The following CYFIP1 variants were observed in gnomAD, a reference collection of about 807,000 sequenced individuals.
CYFIP1 encodes cytoplasmic FMR1-interacting protein 1.
In CYFIP1, 58 loss-of-function variants were observed where a neutral mutation model predicts 163.5. That is an observed-to-expected ratio of 0.35 (90% CI 0.29 to 0.44). The LOEUF is 0.44. Among genes scored for constraint, CYFIP1 ranks in the 20% least tolerant of loss-of-function variants. The pLI, the probability that CYFIP1 is intolerant of heterozygous loss-of-function variation, is 1.00. For synonymous variants in CYFIP1, 663 were observed against 660.7 expected, an observed-to-expected ratio of 1.00 and a Z score of -0.05; for missense variants, 1,338 against 1,653.8, an observed-to-expected ratio of 0.81 and a Z score of 3.31.
At chr15:22,926,398 C>G (rs534522253) in intron 12 of CYFIP1, among the ~76,000 whole-genome samples, 2 of 152,298 alleles carry the variant, frequency 1.3e-5, no homozygotes, top group East Asian at 1.9e-4. Flanking sequence ...CTGGGCCAGG[C>G]ACAGTGGCTC....
intron 23 of CYFIP1, among the ~76,000 whole-genome samples, chr15:22,886,625 T>C (rs1028397770): frequency 6.6e-6 from 1 of 152,142 alleles, no homozygotes; most frequent in African/African-American, 2.4e-5. Flanking sequence ...CTGGTTTGAG[T>C]TCATTGTAGT....
rs536799168 is a variant in CYFIP1 at position 22,878,335 on chromosome 15, G to A, written c.3042+1578C>T. ...CAAGACAATGTGCTATGATGTCAGA[G>A]ACAGATGCCTGGACCAGCGAGATGT... On this transcript the variant is annotated intron_variant, in intron 26 of 30. Transcript: ENST00000617928. 7.9e-5 allele frequency among the ~76,000 whole-genome samples: 12 copies of A among 152,258 alleles called. No individual in the cohort carries two copies. The South Asian group carries it at 2.5e-3, about 32-fold the overall frequency.
chr15:22,973,481 C>T (rs1320987149), intron 1 of CYFIP1, among the ~76,000 whole-genome samples: 1 of 152,046 alleles, frequency 6.6e-6, no homozygotes, highest in Admixed American at 6.6e-5. Context: ...GACTTTCCCC[C>T]TTGTATCTAA....
At chr15:22,959,315 G>A (rs755396407) in intron 1 of CYFIP1, among the ~76,000 whole-genome samples, 13 of 152,228 alleles carry the variant, frequency 8.5e-5, no homozygotes, top group African/African-American at 1.4e-4. Context: ...AGAAGACAGC[G>A]TTTCCCGCTC....
chr15:22,935,067 A>G (rs944443127), intron 9 of CYFIP1, among the ~76,000 whole-genome samples: 4 of 152,194 alleles, frequency 2.6e-5, no homozygotes, highest in Middle Eastern at 3.2e-3. Flanking sequence ...CAGAAGAAAA[A>G]AAATGGTTTT....
chr15:22,941,874 C>T (rs989361288), intron 6 of CYFIP1, among the ~76,000 whole-genome samples: 9 of 152,178 alleles, frequency 5.9e-5, no homozygotes, highest in Admixed American at 5.9e-4. Flanking sequence ...AACCACCTCC[C>T]CCATTTCCCT....
Position 22,875,204 on chromosome 15 carries a change from A to T in CYFIP1, c.3110T>A (p.Val1037Glu). The T allele has an allele frequency of 6.2e-7, 1 of 1,614,046 alleles. No individual in the cohort carries two copies. The highest frequency in any genetic ancestry group is 8.5e-7 in the Non-Finnish European group (1 of 1,179,962). The change falls in exon 27 of 31, where the codon GTG (valine) becomes GAG (glutamate). Residue 1037 changes from valine (V) to glutamate (E), a missense_variant. Physicochemically the swap from Val to Glu is moderately radical, Grantham distance 121. Transcript: ENST00000617928. ...GTGGGGGTCAGCAGGCTCACCTTTC[A>T]CATGGACTCGCGGCAAGATGTTCTG... is the stretch of plus-strand genomic sequence containing the variant. ...PFQNILPRVH[V>E]KEGERLDAKM... is the part of the protein sequence containing the mutation.
In CYFIP1 at chr15:22,943,319, C is replaced by T. The variant is rs774228926; in HGVS notation, c.423G>A (p.Arg141=). The change falls in exon 6 of 31, where the codon AGG becomes AGA. Residue 141 remains arginine, a synonymous_variant. Transcript: ENST00000617928. ...TCCTCCTCTCGGCATGGCACAGGCG[C>T]CTCACTTCCCCGCAGAAACGCTCAA... is the stretch of plus-strand genomic sequence containing the variant. ...NAIERFCGEV[R]RLCHAERRKD... is the part of the protein sequence containing the mutation. The T allele has an allele frequency of 6.2e-7, 1 of 1,614,206 alleles. No individual in the cohort carries two copies.
intron 1 of CYFIP1, among the ~76,000 whole-genome samples, chr15:22,958,138 C>T (rs1172040304): frequency 2.6e-5 from 4 of 151,536 alleles, no homozygotes; most frequent in East Asian, 1.9e-4. Flanking sequence ...TCTTGTCACC[C>T]GGGCTGGCGC....
intron 22 of CYFIP1, 144 bp from the exon 23 acceptor site, chr15:22,893,121 G>A (rs962351719): frequency 4.2e-5 from 27 of 637,766 alleles, no homozygotes; most frequent in Non-Finnish European, 6.3e-5. Flanking sequence ...CTAGTGAATC[G>A]AAAACCATAG....
At chr15:22,974,097 A>G (rs569133147) in intron 1 of CYFIP1, among the ~76,000 whole-genome samples, 1 of 152,322 alleles carries the variant, frequency 6.6e-6, no homozygotes, top group South Asian at 2.1e-4. Context: ...CAGTATAGCC[A>G]TTGTAGAAAA....
At chr15:22,935,608 C>T (rs1008197996) in intron 9 of CYFIP1, among the ~76,000 whole-genome samples, 2 of 151,798 alleles carry the variant, frequency 1.3e-5, no homozygotes, top group East Asian at 3.9e-4. Context: ...ATCGAGAACG[C>T]GAAAAGGCTA....
intron 23 of CYFIP1, among the ~76,000 whole-genome samples, chr15:22,884,504 T>C (rs563022950): frequency 6.6e-6 from 1 of 152,202 alleles, no homozygotes; most frequent in Non-Finnish European, 1.5e-5. Flanking sequence ...TGATGTAAGA[T>C]GTGGGCTCCC....
At chr15:22,874,823 C>G (rs112861553) in intron 27 of CYFIP1, among the ~76,000 whole-genome samples, 179 bp from the exon 28 acceptor site, 1 of 152,142 alleles carries the variant, frequency 6.6e-6, no homozygotes, top group Non-Finnish European at 1.5e-5. Context: ...CCGGCAGAAC[C>G]AATTTTCTGC....
chr15:22,943,020 C>G (rs1333592057), intron 6 of CYFIP1, among the ~76,000 whole-genome samples, 153 bp downstream of exon 6: 1 of 152,088 alleles, frequency 6.6e-6, no homozygotes, highest in Non-Finnish European at 1.5e-5. Flanking sequence ...TCCCTCGAAG[C>G]AGGTGCTCAC....
chr15:22,950,377 C>T (rs896823170), intron 1 of CYFIP1, among the ~76,000 whole-genome samples: 6 of 152,100 alleles, frequency 3.9e-5, no homozygotes, highest in Admixed American at 1.3e-4. Flanking sequence ...AGCCAGCCTC[C>T]GAGCAAGGAA....
At chr15:22,877,658 G>T (rs1009324443) in intron 26 of CYFIP1, among the ~76,000 whole-genome samples, 5 of 152,216 alleles carry the variant, frequency 3.3e-5, no homozygotes, top group African/African-American at 1.2e-4. Context: ...ACACTGGTGG[G>T]TTCTCCATCT....
Position 22,867,736 on chromosome 15 carries a change from A to G in CYFIP1, c.*2292T>C, listed in dbSNP as rs2059215080. 1 of 152,226 alleles carries G rather than the reference A, an allele frequency of 6.6e-6. No individual in the cohort carries two copies. The highest frequency in any genetic ancestry group is 1.5e-5 in the Non-Finnish European group (1 of 68,066). 9.4% of individuals were successfully genotyped at this position (152,226 alleles called of 1,614,324 possible). ...GTTGAAATGAAGTTCTTATTCTAAAAGTCTGAATGCTTAGAACAAACTTAA... is the reference window on the plus strand; with the variant it reads ...GTTGAAATGAAGTTCTTATTCTAAAGGTCTGAATGCTTAGAACAAACTTAA... On this transcript the variant is annotated 3_prime_UTR_variant, in exon 31 of 31. Coordinates refer to ENST00000617928, the MANE Select transcript of CYFIP1 (RefSeq NM_014608.6).
intron 23 of CYFIP1, among the ~76,000 whole-genome samples, chr15:22,890,719 C>T (rs1443908717): frequency 4.1e-5 from 5 of 122,210 alleles, no homozygotes; most frequent in Non-Finnish European, 8.7e-5. Flanking sequence ...AGGGGCACAG[C>T]GGAGGCCGCA....
Sources: gnomAD v4.1 joint callset for allele counts (sites outside exome capture counted in the v4.1 genomes callset) on GRCh38, gnomAD v4.1.1 for gene constraint, MANE v1.5 for transcripts, NCBI Gene and HGNC (gene_info 2026-07-23, HGNC 2026-07-21) for gene names.